SPEF2: variants seen among roughly 807,000 people sequenced by gnomAD.
The protein encoded by SPEF2 is sperm flagellar and cilia associated 2, also known as sperm flagella and cilia-associated protein 2.
A neutral mutation model predicts 224.6 loss-of-function variants in SPEF2; 187 were observed. The ratio of observed to expected loss-of-function variants is 0.83; its 90% CI spans 0.74 to 0.94. The LOEUF is 0.94. Ranked by LOEUF, SPEF2 falls within the 40% of genes least tolerant of loss-of-function variation. SPEF2 has a pLI of 0.00. For synonymous variants in SPEF2, 715 were observed against 707.3 expected (o/e 1.01, Z -0.17); for missense variants, 2,170 against 2,135.6 (o/e 1.02, Z -0.32).
intron 12 of SPEF2, among the ~76,000 whole-genome samples, chr5:35,693,208 T>A (rs1254161090): frequency 6.6e-6 from 1 of 152,100 alleles, no homozygotes; most frequent in African/African-American, 2.4e-5. Context: ...AACATCAAAG[T>A]CCCCAGTGTA....
intron 18 of SPEF2, among the ~76,000 whole-genome samples, chr5:35,707,961 C>T (rs750541740): frequency 1.3e-5 from 2 of 152,162 alleles, no homozygotes; most frequent in Non-Finnish European, 2.9e-5. Context: ...ACCATCTTAA[C>T]TCTTGTATAA....
At chr5:35,710,119 T>A (rs1740796921) in intron 19 of SPEF2, 1 of 985,156 alleles carries the variant, frequency 1.0e-6, no homozygotes, top group South Asian at 4.7e-5. Flanking sequence ...AATACACACA[T>A]CCTAAAAAAT....
intron 23 of SPEF2, among the ~76,000 whole-genome samples, chr5:35,748,425 G>A (rs557380792): frequency 2.0e-5 from 3 of 152,126 alleles, no homozygotes; most frequent in South Asian, 2.1e-4. Flanking sequence ...TAGACCATTC[G>A]CAAGATTAAC....
At chr5:35,636,744 G>T (rs530902405) in intron 2 of SPEF2, among the ~76,000 whole-genome samples, 21 of 152,132 alleles carry the variant, frequency 1.4e-4, no homozygotes, top group African/African-American at 5.1e-4. Context: ...GGAGGCCAAG[G>T]TGGGTGGATC....
Position 35,727,977 on chromosome 5 carries a change from A to G in SPEF2, c.3063+154A>G, listed in dbSNP as rs114099278. Among the ~76,000 whole-genome samples, 1,370 of 152,178 alleles carry G rather than the reference A, an allele frequency of 9.0e-3. 18 individuals carry two copies. The highest frequency in any genetic ancestry group is 0.032 in the African/African-American group (1,334 of 41,520). On this transcript the variant is annotated intron_variant, in intron 21 of 36. Transcript: ENST00000356031. ...TTTTTTAGAGACTACTCAATGACCCATATCTCATCCTTTCTCCTACTTGAG... is the reference window on the plus strand; with the variant it reads ...TTTTTTAGAGACTACTCAATGACCCGTATCTCATCCTTTCTCCTACTTGAG...
At chr5:35,812,031 G>A (rs181051654) in intron 36 of SPEF2, among the ~76,000 whole-genome samples, 170 of 151,946 alleles carry the variant, frequency 1.1e-3, no homozygotes, top group African/African-American at 2.8e-3. Flanking sequence ...CTCGTGATCC[G>A]CCCACCTTGG....
At chr5:35,748,695 C>CA (rs1561301195) in intron 23 of SPEF2, among the ~76,000 whole-genome samples, 1 of 151,982 alleles carries the variant, frequency 6.6e-6, no homozygotes, top group African/African-American at 2.4e-5. Flanking sequence ...ATTACCAACA[C>CA]AAAAAAGTCC....
chr5:35,636,305 CA>C (rs1207517618), intron 2 of SPEF2, among the ~76,000 whole-genome samples: 2 of 152,112 alleles, frequency 1.3e-5, no homozygotes, highest in Admixed American at 6.5e-5. Context: ...GGGATGTTTT[CA>C]ATGCTCTGGC....
At chr5:35,798,058 G>A (rs890182100) in intron 33 of SPEF2, among the ~76,000 whole-genome samples, 4 of 151,928 alleles carry the variant, frequency 2.6e-5, no homozygotes, top group Admixed American at 1.3e-4. Context: ...CGTAAATCCC[G>A]AATGAGACCA....
intron 2 of SPEF2, among the ~76,000 whole-genome samples, chr5:35,638,876 G>A (rs1746199137): frequency 6.6e-6 from 1 of 152,148 alleles, no homozygotes; most frequent in African/African-American, 2.4e-5. Flanking sequence ...ATATCAGGGA[G>A]TATATCTGCT....
intron 23 of SPEF2, among the ~76,000 whole-genome samples, chr5:35,740,986 T>G (rs1373714717): frequency 1.3e-5 from 2 of 152,202 alleles, no homozygotes; most frequent in African/African-American, 4.8e-5. Flanking sequence ...TATTGATTTA[T>G]GTAATTAAAA....
At chr5:35,644,661 A>G in intron 4 of SPEF2, 136 bp downstream of exon 4, 1 of 550,424 alleles carries the variant, frequency 1.8e-6, no homozygotes, top group Non-Finnish European at 2.9e-6. Flanking sequence ...GTCCTGCCCT[A>G]CTCTCACCCT....
chr5:35,767,350 C>T (rs1327528740), intron 26 of SPEF2, among the ~76,000 whole-genome samples: 1 of 151,744 alleles, frequency 6.6e-6, no homozygotes, highest in Non-Finnish European at 1.5e-5. Context: ...CATATCTTTT[C>T]ATCCTTTCAT....
Position 35,795,763 on chromosome 5 carries a change from C to G in SPEF2, c.4798C>G (p.Leu1600Val). The G allele has an allele frequency of 6.2e-7, 1 of 1,613,882 alleles. No homozygotes were observed. The highest frequency in any genetic ancestry group is 8.5e-7 in the Non-Finnish European group (1 of 1,179,796). ...IKIPENPLEP[L>V]PFNRQEHLIE... ...AATTCCAGAAAATCCTCTTGAACCC[C>G]TTCCATTTAATAGGCAGGAGCATCT... The change falls in exon 33 of 37, where the codon CTT becomes GTT. Residue 1600 changes from leucine to valine, a missense_variant. Coordinates refer to ENST00000356031, the MANE Select transcript of SPEF2 (RefSeq NM_024867.4).
chr5:35,709,380 G>A (rs969502607), intron 19 of SPEF2: 24 of 1,231,816 alleles, frequency 1.9e-5, no homozygotes, highest in Admixed American at 4.1e-5. Context: ...GACCACAGAC[G>A]AGAAGAGGAA....
chr5:35,807,312 A>G, intron 36 of SPEF2, 59 bp downstream of exon 36: 4 of 1,552,630 alleles, frequency 2.6e-6, no homozygotes, highest in African/African-American at 1.4e-5. Flanking sequence ...ACATGCTAGG[A>G]TGTTTCTAAA....
At chr5:35,759,295 T>C (rs1750898081) in intron 24 of SPEF2, among the ~76,000 whole-genome samples, 1 of 152,148 alleles carries the variant, frequency 6.6e-6, no homozygotes, top group African/African-American at 2.4e-5. Flanking sequence ...ACATCATACA[T>C]CCTGTAACTG....
intron 8 of SPEF2, 99 bp from the exon 9 acceptor site, chr5:35,666,973 G>A: frequency 8.9e-7 from 1 of 1,126,372 alleles, no homozygotes; most frequent in South Asian, 1.6e-5. Context: ...GTGAGAAGAG[G>A]TTTCATTCTA....
chr5:35,751,909 G>A (rs886243889), intron 23 of SPEF2, among the ~76,000 whole-genome samples: 2 of 152,144 alleles, frequency 1.3e-5, no homozygotes. Context: ...TAATGCAGTG[G>A]TCCCCAACCT....
Sources: allele counts gnomAD v4.1 joint callset (sites outside exome capture counted in the v4.1 genomes callset), GRCh38; gene constraint gnomAD v4.1.1; transcripts MANE v1.5; gene names NCBI Gene and HGNC (gene_info 2026-07-23, HGNC 2026-07-21).